Variants in RGS6 observed in about 807,000 individuals in gnomAD.
The protein encoded by RGS6 is regulator of G-protein signaling 6.
Under a neutral mutation model 78.5 loss-of-function variants are expected in RGS6, and 30 were observed. The observed-to-expected ratio is 0.38, with a 90% confidence interval of 0.29 to 0.52. RGS6 has a LOEUF of 0.52. Ranked by LOEUF, RGS6 falls within the 20% of genes least tolerant of loss-of-function variation. The pLI is 0.85. For synonymous variants in RGS6, 206 were observed against 206.0 expected, an observed-to-expected ratio of 1.00 and a Z score of 0.00; for missense variants, 495 against 609.7, an observed-to-expected ratio of 0.81 and a Z score of 1.98.
intron 2 of RGS6, among the ~76,000 whole-genome samples, chr14:72,220,439 G>A (rs948814421): frequency 6.6e-6 from 1 of 152,184 alleles, no homozygotes; most frequent in Non-Finnish European, 1.5e-5. Context: ...GGAAATATTT[G>A]TACCTAATGG....
chr14:72,547,123 C>T, intron 17 of RGS6: 1 of 1,519,442 alleles, frequency 6.6e-7, no homozygotes, highest in Non-Finnish European at 8.8e-7. Flanking sequence ...GGAAGGCCGA[C>T]CACTCAGAAG....
chr14:72,177,035 A>G (rs540038208), intron 2 of RGS6, among the ~76,000 whole-genome samples: 7 of 152,334 alleles, frequency 4.6e-5, no homozygotes, highest in Non-Finnish European at 7.4e-5. Flanking sequence ...TATAACGTTT[A>G]TGAAATTTAT....
intron 16 of RGS6, 121 bp from the exon 17 acceptor site, chr14:72,539,920 C>A (rs2097299414): frequency 4.8e-6 from 4 of 825,044 alleles, no homozygotes; most frequent in Non-Finnish European, 7.3e-6. Flanking sequence ...ATTTTTCGCC[C>A]CATTTTGCTT....
chr14:72,518,619 C>T, intron 15 of RGS6, 82 bp downstream of exon 15: 3 of 1,290,784 alleles, frequency 2.3e-6, no homozygotes, highest in Non-Finnish European at 3.2e-6. Flanking sequence ...AAGTTCAAGG[C>T]ATTGTGGGTA....
chr14:72,505,659 T>C (rs1426913310), intron 13 of RGS6, among the ~76,000 whole-genome samples: 1 of 152,218 alleles, frequency 6.6e-6, no homozygotes, highest in East Asian at 1.9e-4. Context: ...GAATAGGCTT[T>C]GGAGACAGGC....
intron 4 of RGS6, 106 bp downstream of exon 4, chr14:72,454,684 A>G (rs2095584633): frequency 1.3e-6 from 1 of 789,644 alleles, no homozygotes; most frequent in Non-Finnish European, 2.1e-6. Flanking sequence ...GGTCTTGTAA[A>G]TGTGAATTCC....
At chr14:72,363,112 ATATAT>A (rs936954805) in intron 3 of RGS6, among the ~76,000 whole-genome samples, 6 of 152,224 alleles carry the variant, frequency 3.9e-5, no homozygotes, top group Non-Finnish European at 8.8e-5. Flanking sequence ...ACACCTAATA[ATATAT>A]TATAAAGGAA....
intron 2 of RGS6, among the ~76,000 whole-genome samples, chr14:72,215,359 T>A (rs2045312419): frequency 6.6e-6 from 1 of 152,220 alleles, no homozygotes; most frequent in Admixed American, 6.5e-5. Context: ...AGAAAGGGAC[T>A]GTTTCTCTGT....
chr14:72,226,690 T>C (rs980273677), intron 2 of RGS6, among the ~76,000 whole-genome samples: 1 of 152,198 alleles, frequency 6.6e-6, no homozygotes, highest in African/African-American at 2.4e-5. Context: ...GTGATTCTTA[T>C]ACACTTTATT....
chr14:72,455,003 A>T (rs2095593564), intron 4 of RGS6, among the ~76,000 whole-genome samples: 1 of 151,974 alleles, frequency 6.6e-6, no homozygotes, highest in Non-Finnish European at 1.5e-5. Context: ...TGAAGGAATG[A>T]TTTTTTTTCA....
At chr14:72,548,901 C>T (rs1217596393) in intron 17 of RGS6, among the ~76,000 whole-genome samples, 1 of 152,206 alleles carries the variant, frequency 6.6e-6, no homozygotes, top group Admixed American at 6.5e-5. Context: ...CAACGAGCTC[C>T]ATGTCTAGCC....
chr14:71,922,022 T>C, the RGS6 span, among the ~76,000 whole-genome samples: 1 of 152,176 alleles, frequency 6.6e-6, no homozygotes, highest in African/African-American at 2.4e-5. Context: ...ATCCCACCTA[T>C]TTTTTATTCC....
intron 3 of RGS6, among the ~76,000 whole-genome samples, chr14:72,432,451 C>T (rs963174251): frequency 3.4e-4 from 51 of 152,200 alleles, no homozygotes; most frequent in Admixed American, 1.9e-3. Context: ...TGGGTAGCTC[C>T]ATGCACAAGA....
In RGS6 at chr14:71,932,484, A is replaced by C. The variant is rs1757980500; in HGVS notation, c.-478A>C. Reference sequence around the variant, plus strand: ...GCGCTCGGCCCTGCTCGGCGGCGAGAGCTCCGCCTGGGCGCCGCGTTCCTA... The same window carrying C: ...GCGCTCGGCCCTGCTCGGCGGCGAGCGCTCCGCCTGGGCGCCGCGTTCCTA... On this transcript the variant is annotated 5_prime_UTR_variant, in exon 1 of 18. Transcript: ENST00000553525. 1 of 151,678 alleles carries C rather than the reference A, an allele frequency of 6.6e-6. No individual in the cohort carries two copies. Among genetic ancestry groups the C allele is most frequent in the East Asian group, 1.9e-4 (1 of 5,164 alleles). 9.4% of individuals were successfully genotyped at this position (151,678 alleles called of 1,614,324 possible). A position where few individuals can be genotyped will look rare whatever the true frequency, so the allele number is the denominator to read the frequency against.
At chr14:72,486,956 A>T (rs2096497691) in intron 12 of RGS6, among the ~76,000 whole-genome samples, 1 of 151,962 alleles carries the variant, frequency 6.6e-6, no homozygotes. Context: ...ACCTCCTCTC[A>T]GTCTTTGGCT....
chr14:72,540,754 C>T, intron 17 of RGS6: 1 of 1,257,272 alleles, frequency 8.0e-7, no homozygotes, highest in African/African-American at 1.5e-5. Context: ...TGGGTACTCC[C>T]CGGGGGCAAG....
At chr14:71,874,942 C>G in the RGS6 span, among the ~76,000 whole-genome samples, 1 of 152,150 alleles carries the variant, frequency 6.6e-6, no homozygotes, top group African/African-American at 2.4e-5. Flanking sequence ...TGATGGATTA[C>G]GTTTACTGAT....
chr14:72,617,981 G>T, the RGS6 span, among the ~76,000 whole-genome samples: 2 of 151,974 alleles, frequency 1.3e-5, no homozygotes, highest in East Asian at 3.9e-4. Context: ...AGCCCAATCC[G>T]CTCCAGCCCT....
intron 2 of RGS6, among the ~76,000 whole-genome samples, chr14:72,198,696 C>A (rs575438856): frequency 1.3e-5 from 2 of 152,210 alleles, no homozygotes; most frequent in Admixed American, 1.3e-4. Flanking sequence ...AGAGAAGATA[C>A]GTGGACTTCC....
Sources: allele counts gnomAD v4.1 joint callset (sites outside exome capture counted in the v4.1 genomes callset), GRCh38; gene constraint gnomAD v4.1.1; transcripts MANE v1.5; gene names NCBI Gene and HGNC (gene_info 2026-07-23, HGNC 2026-07-21).